The following ITGBL1 variants were observed in gnomAD, a reference collection of about 807,000 sequenced individuals.
ITGBL1 encodes integrin subunit beta like 1.
ITGBL1 carries 51 observed loss-of-function variants against 68.5 expected under a neutral mutation model. That is an observed-to-expected ratio of 0.74 (90% CI 0.59 to 0.94). The LOEUF is 0.94. Among genes scored for constraint, ITGBL1 ranks in the 40% least tolerant of loss-of-function variants. ITGBL1 has a pLI of 0.00. For missense variants in ITGBL1, 649 were observed against 647.4 expected, an observed-to-expected ratio of 1.00 and a Z score of -0.03; for synonymous variants, 209 against 227.3, an observed-to-expected ratio of 0.92 and a Z score of 0.72.
At chr13:101,611,254 C>G (rs2031112703) in intron 7 of ITGBL1, among the ~76,000 whole-genome samples, 1 of 152,028 alleles carries the variant, frequency 6.6e-6, no homozygotes, top group African/African-American at 2.4e-5. Context: ...TGCTTCATGC[C>G]CATCCATTGG....
intron 7 of ITGBL1, among the ~76,000 whole-genome samples, chr13:101,677,445 C>T (rs2139518072): frequency 6.6e-6 from 1 of 152,264 alleles, no homozygotes; most frequent in South Asian, 2.1e-4. Flanking sequence ...ATTTCTATTT[C>T]AGCCTCTTTA....
At chr13:101,491,009 T>A (rs1419231375) in intron 2 of ITGBL1, among the ~76,000 whole-genome samples, 2 of 151,518 alleles carry the variant, frequency 1.3e-5, no homozygotes, top group East Asian at 3.8e-4. Context: ...AATGTCTGTC[T>A]TGGTTTTTGG....
At chr13:101,607,859 G>A (rs1435596208) in intron 7 of ITGBL1, among the ~76,000 whole-genome samples, 5 of 151,930 alleles carry the variant, frequency 3.3e-5, no homozygotes, top group Admixed American at 2.6e-4. Context: ...TTATCTGCAG[G>A]CATTATTATT....
intron 2 of ITGBL1, among the ~76,000 whole-genome samples, chr13:101,498,244 A>C (rs544781851): frequency 6.6e-6 from 1 of 152,138 alleles, no homozygotes; most frequent in African/African-American, 2.4e-5. Context: ...AATCCCAGTG[A>C]GTAGCCTTAC....
intron 2 of ITGBL1, among the ~76,000 whole-genome samples, chr13:101,532,984 A>G (rs1044827614): frequency 1.3e-5 from 2 of 152,230 alleles, no homozygotes. Context: ...TATTAAAATC[A>G]ACATTGAGCT....
Position 101,706,775 on chromosome 13 carries a change from T to C in ITGBL1, c.1152T>C (p.Cys384=). Residue 384 remains cysteine (C), a synonymous_variant, in exon 9 of 11, where the codon TGT becomes TGC. Transcript: ENST00000376180. ...VVCGGHGTCS[C]GRCVCERGWF... ...TCACAGGCCACGGCACATGTTCCTGTGGTCGCTGTGTTTGTGAGAGAGGAT... is the reference window on the plus strand; with the variant it reads ...TCACAGGCCACGGCACATGTTCCTGCGGTCGCTGTGTTTGTGAGAGAGGAT... 1 of 1,614,172 alleles carries C rather than the reference T, an allele frequency of 6.2e-7. No individual in the cohort carries two copies. Among genetic ancestry groups the C allele is most frequent in the South Asian group, 1.1e-5 (1 of 91,080 alleles).
In ITGBL1 at chr13:101,598,278, G is replaced by T. The variant is rs145907471; in HGVS notation, c.994G>T (p.Asp332Tyr). ...ESIRKCQGSS[D>Y]LPCSGRGKCE... ...CATCAGGAAGTGCCAGGGAAGCTCG[G>T]ATCTGCCTTGCTCTGGGAGGGGTAA... The change falls in exon 7 of 11, where the codon GAT (aspartate) becomes TAT (tyrosine). Residue 332 changes from aspartate (D) to tyrosine (Y), a missense_variant. By Grantham distance (160) the Asp-to-Tyr change is radical (BLOSUM62 -3). Coordinates refer to ENST00000376180, the MANE Select transcript of ITGBL1 (RefSeq NM_004791.3). 1.4e-5 allele frequency: 22 copies of T among 1,612,524 alleles called. No homozygotes were observed. The African/African-American group carries it at 2.9e-4, about 22-fold the overall frequency.
At chr13:101,471,773 A>G (rs772932283) in intron 2 of ITGBL1, among the ~76,000 whole-genome samples, 9 of 152,166 alleles carry the variant, frequency 5.9e-5, no homozygotes, top group Non-Finnish European at 1.3e-4. Context: ...TGAACCAATA[A>G]CATGCACTTT....
At chr13:101,531,301 C>G (rs2049471360) in intron 2 of ITGBL1, among the ~76,000 whole-genome samples, 1 of 152,284 alleles carries the variant, frequency 6.6e-6, no homozygotes, top group Non-Finnish European at 1.5e-5. Flanking sequence ...TCTGCTGCTG[C>G]TCCACTGAAT....
chr13:101,603,398 T>C (rs750987747), intron 7 of ITGBL1, among the ~76,000 whole-genome samples: 12 of 151,974 alleles, frequency 7.9e-5, no homozygotes, highest in Admixed American at 1.3e-4. Flanking sequence ...ATAATAATCT[T>C]TTTAATGTCA....
intron 2 of ITGBL1, among the ~76,000 whole-genome samples, chr13:101,507,260 C>G (rs973196848): frequency 2.6e-5 from 4 of 152,158 alleles, no homozygotes; most frequent in Admixed American, 6.6e-5. Flanking sequence ...AGGAGGACAG[C>G]CTGCTTTGTT....
At chr13:101,706,448 T>A (rs897049655) in intron 8 of ITGBL1, among the ~76,000 whole-genome samples, 1 of 152,182 alleles carries the variant, frequency 6.6e-6, no homozygotes, top group African/African-American at 2.4e-5. Context: ...GCGCTAAGAC[T>A]CCATACTGAT....
chr13:101,631,787 G>T (rs1258620051), intron 7 of ITGBL1, among the ~76,000 whole-genome samples: 1 of 152,142 alleles, frequency 6.6e-6, no homozygotes, highest in Non-Finnish European at 1.5e-5. Flanking sequence ...TGAAAGTCAA[G>T]AGGGTCTCCA....
intron 7 of ITGBL1, among the ~76,000 whole-genome samples, chr13:101,601,862 G>T (rs1179416937): frequency 6.6e-6 from 1 of 152,042 alleles, no homozygotes; most frequent in East Asian, 1.9e-4. Context: ...CCAAGTATGT[G>T]GTCAATTTTG....
At chr13:101,717,545 A>G (rs937691126), downstream of ITGBL1, 4 of 152,174 alleles carry the variant, frequency 2.6e-5, no homozygotes, top group African/African-American at 4.8e-5. Context: ...GGAATTCATT[A>G]CATTATCTAG....
chr13:101,524,129 A>ATTT (rs36014394), intron 2 of ITGBL1, among the ~76,000 whole-genome samples: 1 of 145,254 alleles, frequency 6.9e-6, no homozygotes. Context: ...TTTTTTTTTA[A>ATTT]TTTTTTTTTT....
At chr13:101,537,787 C>T (rs934831832) in intron 2 of ITGBL1, among the ~76,000 whole-genome samples, 3 of 151,922 alleles carry the variant, frequency 2.0e-5, no homozygotes, top group Non-Finnish European at 4.4e-5. Flanking sequence ...TAGTCTATAT[C>T]TTTAGCTTTG....
chr13:101,542,379 T>C (rs1171047135), intron 2 of ITGBL1, among the ~76,000 whole-genome samples: 1 of 152,232 alleles, frequency 6.6e-6, no homozygotes, highest in African/African-American at 2.4e-5. Flanking sequence ...AGTGAGTTTC[T>C]TAATCCTGAG....
chr13:101,512,440 T>C (rs2049131178), intron 2 of ITGBL1, among the ~76,000 whole-genome samples: 5 of 152,182 alleles, frequency 3.3e-5, no homozygotes, highest in Admixed American at 3.3e-4. Context: ...GTCTATTTGC[T>C]TTGTAAGATT....
Sources: gnomAD v4.1 joint callset for allele counts (sites outside exome capture counted in the v4.1 genomes callset) on GRCh38, gnomAD v4.1.1 for gene constraint, MANE v1.5 for transcripts, NCBI Gene and HGNC (gene_info 2026-07-23, HGNC 2026-07-21) for gene names.